The following PLA2G4A variants were observed in gnomAD, a reference collection of about 807,000 sequenced individuals.
PLA2G4A encodes cytosolic phospholipase A2.
A neutral mutation model predicts 81.9 loss-of-function variants in PLA2G4A; 40 were observed. The ratio of observed to expected loss-of-function variants is 0.49; its 90% CI spans 0.38 to 0.64. PLA2G4A has a LOEUF of 0.64. Ranked by LOEUF, PLA2G4A falls within the 30% of genes least tolerant of loss-of-function variation. The pLI, the probability that PLA2G4A is intolerant of heterozygous loss-of-function variation, is 0.00. For synonymous variants in PLA2G4A, 302 were observed against 296.9 expected, an observed-to-expected ratio of 1.02 and a Z score of -0.18; for missense variants, 715 against 905.1, an observed-to-expected ratio of 0.79 and a Z score of 2.69.
At chr1:186,923,404 A>C (rs1655434795) in intron 7 of PLA2G4A, among the ~76,000 whole-genome samples, 1 of 152,224 alleles carries the variant, frequency 6.6e-6, no homozygotes, top group African/African-American at 2.4e-5. Context: ...GTATACCCTC[A>C]AAACAGAAAA....
rs74856844 is a variant in PLA2G4A, at chr1:186,896,231, T to C, written c.378+2020T>C. 4.5e-4 allele frequency among the ~76,000 whole-genome samples: 68 copies of C among 152,340 alleles called. No homozygotes were observed. In the East Asian group the frequency reaches 0.01, roughly 22 times the overall value. ...TACATACAGGGCTTAGAACAGTTTCTGGTACGTATTAGGCACTATATAAAT... is the reference window on the plus strand; with the variant it reads ...TACATACAGGGCTTAGAACAGTTTCCGGTACGTATTAGGCACTATATAAAT... On this transcript the variant is annotated intron_variant, in intron 5 of 17. Coordinates refer to ENST00000367466, the MANE Select transcript of PLA2G4A (RefSeq NM_024420.3).
At chr1:186,834,733 C>T (rs781748604) in intron 1 of PLA2G4A, among the ~76,000 whole-genome samples, 9 of 152,080 alleles carry the variant, frequency 5.9e-5, no homozygotes, top group Admixed American at 2.0e-4. Flanking sequence ...AAACACATTT[C>T]ATGAGTTATG....
intron 13 of PLA2G4A, among the ~76,000 whole-genome samples, chr1:186,951,687 G>T (rs1656566892): frequency 6.6e-6 from 1 of 151,982 alleles, no homozygotes; most frequent in South Asian, 2.1e-4. Flanking sequence ...TTTCATAGCT[G>T]GGCTATTACT....
chr1:186,892,650 T>G (rs1484702011), intron 3 of PLA2G4A, among the ~76,000 whole-genome samples: 1 of 152,180 alleles, frequency 6.6e-6, no homozygotes, highest in Non-Finnish European at 1.5e-5. Context: ...ATCTTGTCAC[T>G]ATCACAGTCC....
chr1:186,854,499 T>C, intron 2 of PLA2G4A, 112 bp downstream of exon 2: 1 of 770,668 alleles, frequency 1.3e-6, no homozygotes, highest in Non-Finnish European at 2.4e-6. Flanking sequence ...GCATTTGTTA[T>C]TAAACTCATA....
At chr1:186,863,719 T>G (rs1290047714) in intron 2 of PLA2G4A, among the ~76,000 whole-genome samples, 1 of 151,912 alleles carries the variant, frequency 6.6e-6, no homozygotes, top group East Asian at 1.9e-4. Flanking sequence ...ATTCCACATA[T>G]GGGTAGATGT....
rs767835941 is a variant in PLA2G4A, at chr1:186,965,385, T to G, written c.1580-24T>G. ...TGATGAATGATCATTTAATTCATTC[T>G]TGTTTTTCTTTTATGTTTTTAAGAT... On this transcript the variant is annotated intron_variant, in intron 14 of 17. Transcript: ENST00000367466. 7 of 1,502,498 alleles carry G rather than the reference T, an allele frequency of 4.7e-6. No individual in the cohort carries two copies. The African/African-American group carries it at 9.6e-5, about 21-fold the overall frequency. 93.1% of individuals were successfully genotyped at this position (1,502,498 alleles called of 1,614,324 possible). A position where few individuals can be genotyped will look rare whatever the true frequency, so the allele number is the denominator to read the frequency against.
At chr1:186,981,373 T>A (rs893247553) in intron 17 of PLA2G4A, among the ~76,000 whole-genome samples, 3 of 152,198 alleles carry the variant, frequency 2.0e-5, no homozygotes, top group African/African-American at 7.2e-5. Flanking sequence ...GATACAGTTT[T>A]ATTTATATAT....
intron 3 of PLA2G4A, among the ~76,000 whole-genome samples, chr1:186,886,831 T>C (rs1034623152): frequency 6.6e-6 from 1 of 152,172 alleles, no homozygotes; most frequent in Admixed American, 6.6e-5. Context: ...AACAGTAACT[T>C]TGTTGCCTTC....
At chr1:186,874,195 C>G (rs573191298) in intron 3 of PLA2G4A, among the ~76,000 whole-genome samples, 1 of 152,204 alleles carries the variant, frequency 6.6e-6, no homozygotes, top group South Asian at 2.1e-4. Context: ...TCCCTTTCCT[C>G]TTTTAACAGA....
intron 2 of PLA2G4A, among the ~76,000 whole-genome samples, chr1:186,857,126 T>A (rs1243390433): frequency 4.9e-5 from 2 of 40,472 alleles, no homozygotes; most frequent in African/African-American, 2.7e-4. Flanking sequence ...TAATATTCTA[T>A]AATATATATT....
At chr1:186,961,026 G>A (rs1394561225) in intron 14 of PLA2G4A, among the ~76,000 whole-genome samples, 1 of 152,040 alleles carries the variant, frequency 6.6e-6, no homozygotes, top group Non-Finnish European at 1.5e-5. Context: ...GTTTGGCTTG[G>A]TTTTTTTGTT....
At chr1:186,987,327 T>G (rs977801640) in intron 17 of PLA2G4A, among the ~76,000 whole-genome samples, 1 of 152,232 alleles carries the variant, frequency 6.6e-6, no homozygotes, top group Non-Finnish European at 1.5e-5. Context: ...CATAGCGTCC[T>G]AAACTGATCA....
intron 5 of PLA2G4A, among the ~76,000 whole-genome samples, chr1:186,895,067 G>A (rs1654287658): frequency 6.6e-6 from 1 of 152,052 alleles, no homozygotes; most frequent in South Asian, 2.1e-4. Context: ...TCCTGTTACT[G>A]TCCCAAATGA....
chr1:186,932,698 A>G (rs2102203621), intron 7 of PLA2G4A, 65 bp from the exon 8 acceptor site: 1 of 1,475,330 alleles, frequency 6.8e-7, no homozygotes, highest in South Asian at 1.1e-5. Flanking sequence ...AAAGATTGAG[A>G]CTAAAGGGAA....
intron 6 of PLA2G4A, among the ~76,000 whole-genome samples, chr1:186,909,791 T>C (rs889032105): frequency 1.3e-5 from 2 of 152,156 alleles, no homozygotes; most frequent in Non-Finnish European, 2.9e-5. Flanking sequence ...TTTCTTTAAA[T>C]GATCTTTAAA....
chr1:186,908,610 A>G (rs1392706585), intron 6 of PLA2G4A, among the ~76,000 whole-genome samples: 1 of 152,126 alleles, frequency 6.6e-6, no homozygotes, highest in East Asian at 1.9e-4. Flanking sequence ...TGCTTGTAAT[A>G]GTTTACAAAA....
At chr1:186,839,527 C>T (rs1651903108) in intron 1 of PLA2G4A, among the ~76,000 whole-genome samples, 1 of 152,180 alleles carries the variant, frequency 6.6e-6, no homozygotes, top group African/African-American at 2.4e-5. Context: ...GGCATTATAT[C>T]TCATCCGCAG....
chr1:186,863,242 A>T (rs1652880768), intron 2 of PLA2G4A, among the ~76,000 whole-genome samples: 1 of 152,170 alleles, frequency 6.6e-6, no homozygotes, highest in South Asian at 2.1e-4. Flanking sequence ...GTTAAATTAG[A>T]ACTTTAGAAC....
Sources: allele counts gnomAD v4.1 joint callset (sites outside exome capture counted in the v4.1 genomes callset), GRCh38; gene constraint gnomAD v4.1.1; transcripts MANE v1.5; gene names NCBI Gene and HGNC (gene_info 2026-07-23, HGNC 2026-07-21).